Variants in POLR2C observed in about 807,000 individuals in gnomAD.
POLR2C encodes the protein RNA polymerase II subunit C.
Under a neutral mutation model 41.7 loss-of-function variants are expected in POLR2C, and 36 were observed. That is an observed-to-expected ratio of 0.86 (90% confidence interval 0.66 to 1.14). POLR2C has a LOEUF of 1.14. POLR2C is among the 50% of genes most tolerant of loss of function. The pLI, the probability that POLR2C is intolerant of heterozygous loss-of-function variation, is 0.00. For missense variants in POLR2C, 260 were observed against 350.4 expected, an observed-to-expected ratio of 0.74 and a Z score of 2.06; for synonymous variants, 133 against 137.8, an observed-to-expected ratio of 0.96 and a Z score of 0.25.
chr16:57,465,407 A>G (rs77740021), intron 2 of POLR2C, among the ~76,000 whole-genome samples: 2,625 of 152,310 alleles, frequency 0.017, 85 homozygotes, highest in African/African-American at 0.06. Context: ...TTACCCTCCT[A>G]CGAGCTCATT....
intron 2 of POLR2C, among the ~76,000 whole-genome samples, chr16:57,465,248 T>C (rs1231923256): frequency 6.6e-6 from 1 of 152,150 alleles, no homozygotes; most frequent in African/African-American, 2.4e-5. Flanking sequence ...GAGGTCCTCT[T>C]CCGACCGCTG....
intron 1 of POLR2C, 36 bp downstream of exon 1, chr16:57,462,846 G>A (rs2030606180): frequency 6.5e-7 from 1 of 1,532,000 alleles, no homozygotes; most frequent in Admixed American, 1.8e-5. Context: ...GCGGCTCTGG[G>A]GCGCCGGGAG....
chr16:57,469,734 G>T lies in POLR2C; in HGVS notation c.412G>T (p.Asp138Tyr). ...IPVTSRNRDN[D>Y]PNDYVEQDDI... ...GGTGACATCCCGGAACCGAGATAAT[G>T]ACCCCAATGACTACGTGGAGCAGGA... The change falls in exon 6 of 9, where the codon GAC (aspartate) becomes TAC (tyrosine). Residue 138 changes from aspartate to tyrosine, a missense_variant. Asp to Tyr is a radical substitution (Grantham distance 160). Transcript: ENST00000219252. This position sits in a 1 kb window ranked among gnomAD's most constrained non-coding sequence, Gnocchi z 5.8. 6.2e-7 allele frequency: 1 copy of T among 1,614,118 alleles called. No individual in the cohort carries two copies. The highest frequency in any genetic ancestry group is 8.5e-7 in the Non-Finnish European group (1 of 1,179,938).
At chr16:57,467,417 C>A (rs2030736372) in intron 4 of POLR2C, among the ~76,000 whole-genome samples, 1 of 152,146 alleles carries the variant, frequency 6.6e-6, no homozygotes, top group Non-Finnish European at 1.5e-5. Flanking sequence ...CAATTAAGAG[C>A]AATTTGGCGA....
Position 57,469,669 on chromosome 16 carries a change from G to A in POLR2C, c.388-41G>A, listed in dbSNP as rs748183830. ...TATGGATGCCAGAGGAGGTGACTGG[G>A]GAGGTGAGCAGCTAATGAATGCCTG... On this transcript the variant is annotated intron_variant, in intron 5 of 8. Coordinates refer to ENST00000219252, the MANE Select transcript of POLR2C (RefSeq NM_032940.3). The surrounding 1 kb of genome is among the most constrained non-coding windows in gnomAD (Gnocchi z 5.8). 1.1e-5 allele frequency: 17 copies of A among 1,542,742 alleles called. No homozygotes were observed. The South Asian group carries it at 1.6e-4, about 14-fold the overall frequency.
rs756373925 is a variant in POLR2C at position 57,469,242 on chromosome 16, G to A, written c.336G>A (p.Thr112=). The change falls in exon 5 of 9, where the codon ACG becomes ACA. Residue 112 remains threonine, a synonymous_variant. Coordinates refer to ENST00000219252, the MANE Select transcript of POLR2C (RefSeq NM_032940.3). The surrounding 1 kb of genome is among the most constrained non-coding windows in gnomAD (Gnocchi z 5.8). ...TLDVRCNEDQ[T]RHVTSRDLIS... Reference sequence around the variant, plus strand: ...ATGTGCGGTGCAATGAAGACCAGACGCGACATGTCACGTCTCGAGACCTCA... The same window carrying A: ...ATGTGCGGTGCAATGAAGACCAGACACGACATGTCACGTCTCGAGACCTCA... 2.7e-5 allele frequency: 43 copies of A among 1,614,098 alleles called. No homozygotes were observed. The East Asian group carries it at 3.6e-4, about 13-fold the overall frequency.
In POLR2C at chr16:57,469,574, G is replaced by A. The variant is rs2030780229; in HGVS notation, c.388-136G>A. ...CTGAAGTGGGGGTTGGAGTCCTGGG[G>A]GCATCTGTGCCACCACCTCGTCAGG... On this transcript the variant is annotated intron_variant, in intron 5 of 8. Coordinates refer to ENST00000219252, the MANE Select transcript of POLR2C (RefSeq NM_032940.3). This position sits in a 1 kb window ranked among gnomAD's most constrained non-coding sequence, Gnocchi z 5.8. The A allele has an allele frequency of 1.2e-6, 1 of 812,512 alleles. No individual in the cohort carries two copies. Among genetic ancestry groups the A allele is most frequent in the South Asian group, 1.5e-5 (1 of 68,778 alleles). The allele number at this position is 812,512 out of a possible 1,614,324, so 50.3% of individuals were successfully genotyped here.
At chr16:57,468,471 G>A (rs1315183265) in intron 4 of POLR2C, among the ~76,000 whole-genome samples, 5 of 152,224 alleles carry the variant, frequency 3.3e-5, no homozygotes, top group Non-Finnish European at 7.3e-5. Flanking sequence ...TTCCTCACTG[G>A]TGTGAGGGAG....
chr16:57,465,902 T>G, intron 2 of POLR2C, 51 bp from the exon 3 acceptor site: 1 of 1,109,038 alleles, frequency 9.0e-7, no homozygotes, highest in Non-Finnish European at 1.4e-6. Flanking sequence ...GCATTAAGTC[T>G]GTAGGTAAAT....
chr16:57,467,653 T>C (rs1380474813), intron 4 of POLR2C, among the ~76,000 whole-genome samples: 1 of 152,246 alleles, frequency 6.6e-6, no homozygotes, highest in African/African-American at 2.4e-5. Flanking sequence ...CAAATTGTTA[T>C]TTTTGCTGAA....
At position 57,470,001 on chromosome 16, in the gene POLR2C, A is replaced by G. The variant is rs369913002; in HGVS notation, c.480A>G (p.Arg160=). ...AGTTGAGAAAGGGCCAGGAGCTGAG[A>G]CTTCGAGCCTATGCCAAAAAGGGCT... The part of the protein sequence containing the change: ...IVKLRKGQEL[R]LRAYAKKGFG... Residue 160 remains arginine (R), a synonymous_variant, in exon 7 of 9, where the codon AGA becomes AGG. Transcript: ENST00000219252. 4.3e-6 allele frequency: 7 copies of G among 1,613,950 alleles called. No individual in the cohort carries two copies. Among genetic ancestry groups the G allele is most frequent in the Non-Finnish European group, 5.9e-6 (7 of 1,180,004 alleles).
rs2030687105 is a variant in POLR2C, at chr16:57,465,640, G to A, written c.137-313G>A. On this transcript the variant is annotated intron_variant, in intron 2 of 8. Coordinates refer to ENST00000219252, the MANE Select transcript of POLR2C (RefSeq NM_032940.3). The stretch of plus-strand genomic sequence containing the variant: ...CTTGGATTTAGTGGTGGCACAGGTA[G>A]CAGATTTAAGTGCTTCTCATGCAAA... 3 of 277,226 alleles carry A rather than the reference G, an allele frequency of 1.1e-5. No homozygotes were observed. In the South Asian group the frequency reaches 1.7e-4, roughly 16 times the overall value. The allele number at this position is 277,226 out of a possible 1,614,324, so 17.2% of individuals were successfully genotyped here.
rs570536488 is a variant in POLR2C, at chr16:57,470,340, C to T, written c.669C>T (p.Asn223=). The T allele has an allele frequency of 9.9e-6, 16 of 1,608,716 alleles. No homozygotes were observed. In the African/African-American group the frequency reaches 1.2e-4, roughly 12 times the overall value. The change falls in exon 8 of 9, where the codon AAC becomes AAT. Residue 223 remains asparagine, a synonymous_variant. Coordinates refer to ENST00000219252, the MANE Select transcript of POLR2C (RefSeq NM_032940.3). The stretch of plus-strand genomic sequence containing the variant: ...AGTCGCAGGCTCCCTATGACCCCAA[C>T]GGCAAGCCAGAAAGGTAAGAGCCTG... ...EDESQAPYDP[N]GKPERFYYNV... is the part of the protein sequence containing the mutation.
intron 4 of POLR2C, among the ~76,000 whole-genome samples, chr16:57,466,882 A>G (rs979586995): frequency 1.3e-5 from 2 of 152,142 alleles, no homozygotes; most frequent in African/African-American, 2.4e-5. Flanking sequence ...CTCAAGGGCC[A>G]TGTCATTTTT....
intron 4 of POLR2C, among the ~76,000 whole-genome samples, chr16:57,466,627 A>AT (rs2030715257): frequency 6.6e-6 from 1 of 152,122 alleles, no homozygotes; most frequent in East Asian, 1.9e-4. Context: ...GTGTCTGCAG[A>AT]TTCATGCTGT....
At chr16:57,463,296 T>C in intron 2 of POLR2C, 1 of 611,748 alleles carries the variant, frequency 1.6e-6, no homozygotes, top group Non-Finnish European at 2.9e-6. Flanking sequence ...GTCCTGGGTA[T>C]GCATTGCTGA....
At position 57,471,783 on chromosome 16, in the gene POLR2C, G is replaced by A. The variant is rs2030856169; in HGVS notation, c.*664G>A. On this transcript the variant is annotated 3_prime_UTR_variant, in exon 9 of 9. Coordinates refer to ENST00000219252, the MANE Select transcript of POLR2C (RefSeq NM_032940.3). ...GGGGTGGAAGCAGCCGCAGGAGCAA[G>A]GGCCCCTCCCACATACACAGGAGGA... 6.6e-6 allele frequency: 1 copy of A among 151,094 alleles called. No individual in the cohort carries two copies. The highest frequency in any genetic ancestry group is 6.6e-5 in the Admixed American group (1 of 15,186). The allele number at this position is 151,094 out of a possible 1,614,324, so 9.4% of individuals were successfully genotyped here.
At chr16:57,465,742 C>G (rs574267035) in intron 2 of POLR2C, 3 of 533,178 alleles carry the variant, frequency 5.6e-6, no homozygotes, top group Non-Finnish European at 9.9e-6. Flanking sequence ...AGGGAGCCCC[C>G]TGCATTAAAT....
intron 4 of POLR2C, among the ~76,000 whole-genome samples, chr16:57,466,654 G>A (rs1314496882): frequency 6.6e-6 from 1 of 152,144 alleles, no homozygotes; most frequent in Non-Finnish European, 1.5e-5. Context: ...CCTCGCAGGT[G>A]ATGCTGCTTA....
Sources: gnomAD v4.1 joint callset for allele counts (sites outside exome capture counted in the v4.1 genomes callset) on GRCh38, gnomAD v4.1.1 for gene constraint, Gnocchi (gnomAD v3.1) non-coding constraint, MANE v1.5 for transcripts, NCBI Gene and HGNC (gene_info 2026-07-23, HGNC 2026-07-21) for gene names.